The following PARD3B variants were observed in gnomAD, a reference collection of about 807,000 sequenced individuals.
The protein encoded by PARD3B is partitioning defective 3 homolog B.
PARD3B carries 103 observed loss-of-function variants against 130.2 expected under a neutral mutation model. That is an observed-to-expected ratio of 0.79 (90% confidence interval 0.67 to 0.93). The LOEUF is 0.93. Among genes scored for constraint, PARD3B ranks in the 40% least tolerant of loss-of-function variants. PARD3B has a pLI of 0.00. For synonymous variants in PARD3B, 583 were observed against 553.2 expected, an observed-to-expected ratio of 1.05 and a Z score of -0.76; for missense variants, 1,609 against 1,499.2, an observed-to-expected ratio of 1.07 and a Z score of -1.21.
intron 1 of PARD3B, among the ~76,000 whole-genome samples, chr2:204,644,930 T>G (rs1187192382): frequency 6.6e-6 from 1 of 152,196 alleles, no homozygotes; most frequent in Non-Finnish European, 1.5e-5. Context: ...AAATTTTTTT[T>G]TTTGTTTTAG....
chr2:204,989,508 T>C (rs1199269017), intron 3 of PARD3B, among the ~76,000 whole-genome samples: 1 of 152,190 alleles, frequency 6.6e-6, no homozygotes, highest in African/African-American at 2.4e-5. Context: ...TGAGCACCCA[T>C]GTAACTAACA....
chr2:204,805,667 C>T (rs1342733926), intron 2 of PARD3B, among the ~76,000 whole-genome samples: 1 of 152,062 alleles, frequency 6.6e-6, no homozygotes, highest in East Asian at 1.9e-4. Flanking sequence ...CCTCAAAAAT[C>T]CCAGCAAACT....
At chr2:205,447,303 C>T (rs1238133247) in intron 20 of PARD3B, among the ~76,000 whole-genome samples, 4 of 102,326 alleles carry the variant, frequency 3.9e-5, no homozygotes, top group Admixed American at 8.5e-5. Context: ...CTTTTGCTCA[C>T]CTGTCTCCTC....
intron 15 of PARD3B, among the ~76,000 whole-genome samples, chr2:205,242,729 C>T (rs957419185): frequency 2.0e-5 from 3 of 152,224 alleles, no homozygotes; most frequent in African/African-American, 7.2e-5. Context: ...ACTCTCACAA[C>T]TTCCATTTAT....
Position 205,078,429 on chromosome 2 carries a change from T to G in PARD3B, c.505-25997T>G, listed in dbSNP as rs959319217. On this transcript the variant is annotated intron_variant, in intron 4 of 22. Coordinates refer to ENST00000406610, the MANE Select transcript of PARD3B (RefSeq NM_001302769.2). The surrounding 1 kb of genome is among the most constrained non-coding windows in gnomAD (Gnocchi z 4.0). ...TTCTAAAGATAGACCAAAGACCCAC[T>G]TTTTTTCCTGAGTAATTCTGTCTCT... Among the ~76,000 whole-genome samples the G allele has an allele frequency of 2.6e-5, 4 of 152,128 alleles. No individual in the cohort carries two copies. Among genetic ancestry groups the G allele is most frequent in the Non-Finnish European group, 5.9e-5 (4 of 68,030 alleles).
Position 205,187,076 on chromosome 2 carries a change from T to C in PARD3B, c.2024+1213T>C, listed in dbSNP as rs2036144876. Among the ~76,000 whole-genome samples, 1 of 152,180 alleles carries C rather than the reference T, an allele frequency of 6.6e-6. No homozygotes were observed. Among genetic ancestry groups the C allele is most frequent in the Non-Finnish European group, 1.5e-5 (1 of 68,026 alleles). ...TGGAACACAAGGGTTCCAAGTGATA[T>C]TTACCAGAAGGTATAGATAAAATGC... On this transcript the variant is annotated intron_variant, in intron 14 of 22. Coordinates refer to ENST00000406610, the MANE Select transcript of PARD3B (RefSeq NM_001302769.2). This position sits in a 1 kb window ranked among gnomAD's most constrained non-coding sequence, Gnocchi z 4.9.
At chr2:205,039,228 T>C (rs1280712829) in intron 3 of PARD3B, among the ~76,000 whole-genome samples, 1 of 152,140 alleles carries the variant, frequency 6.6e-6, no homozygotes, top group Non-Finnish European at 1.5e-5. Context: ...TCTTATTTTA[T>C]TGAGTATTGA....
chr2:204,856,436 T>G (rs2044941828), intron 2 of PARD3B, among the ~76,000 whole-genome samples: 1 of 152,204 alleles, frequency 6.6e-6, no homozygotes. Context: ...ATTTTGAATA[T>G]TAGCCCCTTA....
chr2:204,729,185 C>T (rs929296572), intron 2 of PARD3B, among the ~76,000 whole-genome samples: 4 of 152,166 alleles, frequency 2.6e-5, no homozygotes, highest in Non-Finnish European at 5.9e-5. Context: ...AGTCATGCAA[C>T]TGTGTGTTTG....
At chr2:205,381,050 T>TATATAAAGAATATATA (rs2045402999) in intron 18 of PARD3B, among the ~76,000 whole-genome samples, 1 of 23,138 alleles carries the variant, frequency 4.3e-5, no homozygotes, top group African/African-American at 1.1e-4. Flanking sequence ...GAATATATAT[T>TATATAAAGAATATATA]ATATATAAAG....
rs1055704063 is a variant in PARD3B at position 205,015,778 on chromosome 2, G to T, written c.395-31803G>T. 5.9e-5 allele frequency among the ~76,000 whole-genome samples: 9 copies of T among 152,106 alleles called. No homozygotes were observed. Among genetic ancestry groups the T allele is most frequent in the Non-Finnish European group, 1.2e-4 (8 of 68,024 alleles). On this transcript the variant is annotated intron_variant, in intron 3 of 22. Coordinates refer to ENST00000406610, the MANE Select transcript of PARD3B (RefSeq NM_001302769.2). The surrounding 1 kb of genome is among the most constrained non-coding windows in gnomAD (Gnocchi z 4.5). ...GCCCTATTTGACTTTGCATGCCCAGGCCTCAGCACCTTGCCTGGCACACAG... is the reference window on the plus strand; with the variant it reads ...GCCCTATTTGACTTTGCATGCCCAGTCCTCAGCACCTTGCCTGGCACACAG...
intron 11 of PARD3B, among the ~76,000 whole-genome samples, chr2:205,171,702 TG>T (rs765632203): frequency 1.3e-5 from 2 of 152,212 alleles, no homozygotes; most frequent in East Asian, 1.9e-4. Flanking sequence ...ATTATGTGGT[TG>T]TTTTTTTTTA....
intron 10 of PARD3B, among the ~76,000 whole-genome samples, chr2:205,155,284 G>A (rs2034044566): frequency 7.1e-6 from 1 of 141,080 alleles, no homozygotes; most frequent in Non-Finnish European, 1.6e-5. Context: ...CTGCAAATAG[G>A]GGCAGCGGCT....
At chr2:205,161,965 T>C (rs2034531807) in intron 11 of PARD3B, among the ~76,000 whole-genome samples, 2 of 152,238 alleles carry the variant, frequency 1.3e-5, no homozygotes, top group Admixed American at 6.5e-5. Flanking sequence ...GATAGGCTAC[T>C]TCTTGCCAGA....
chr2:204,748,028 A>C (rs1180485039), intron 2 of PARD3B, among the ~76,000 whole-genome samples: 1 of 152,056 alleles, frequency 6.6e-6, no homozygotes, highest in East Asian at 1.9e-4. Flanking sequence ...AATGGGAAAA[A>C]CATCATCATT....
chr2:204,990,337 A>G (rs1003185365), intron 3 of PARD3B, among the ~76,000 whole-genome samples: 4 of 152,098 alleles, frequency 2.6e-5, no homozygotes, highest in Non-Finnish European at 4.4e-5. Context: ...TACAATGCAT[A>G]ATGATCACTT....
intron 20 of PARD3B, among the ~76,000 whole-genome samples, chr2:205,448,967 G>A (rs1246959635): frequency 6.6e-6 from 1 of 151,912 alleles, no homozygotes; most frequent in East Asian, 2.0e-4. Context: ...AGGAGTTCGA[G>A]ACCAGCCTGA....
At chr2:204,997,006 G>A (rs1442942570) in intron 3 of PARD3B, among the ~76,000 whole-genome samples, 2 of 152,068 alleles carry the variant, frequency 1.3e-5, no homozygotes, top group African/African-American at 4.8e-5. Context: ...GATGAACCCG[G>A]TACCTCAGAT....
At chr2:204,807,868 A>T (rs1241014170) in intron 2 of PARD3B, among the ~76,000 whole-genome samples, 1 of 152,140 alleles carries the variant, frequency 6.6e-6, no homozygotes, top group South Asian at 2.1e-4. Context: ...GGTAGTGGGG[A>T]TAGAATGAGT....
Sources: gnomAD v4.1 joint callset for allele counts (sites outside exome capture counted in the v4.1 genomes callset) on GRCh38, gnomAD v4.1.1 for gene constraint, Gnocchi (gnomAD v3.1) non-coding constraint, MANE v1.5 for transcripts, NCBI Gene and HGNC (gene_info 2026-07-23, HGNC 2026-07-21) for gene names.